Variants in CTNNA2 observed in about 807,000 individuals in gnomAD.
CTNNA2 encodes the protein catenin alpha 2.
Under a neutral mutation model 101.0 loss-of-function variants are expected in CTNNA2, and 42 were observed. The observed-to-expected ratio is 0.42, with a 90% CI of 0.32 to 0.54. The LOEUF (loss-of-function observed/expected upper bound fraction) is 0.54. CTNNA2 is among the 20% of genes least tolerant of loss of function. The pLI, the probability that CTNNA2 is intolerant of heterozygous loss-of-function variation, is 0.14. For synonymous variants in CTNNA2, 450 were observed against 456.4 expected, an observed-to-expected ratio of 0.99 and a Z score of 0.18; for missense variants, 871 against 1,223.1, an observed-to-expected ratio of 0.71 and a Z score of 4.29.
chr2:80,095,603 G>A (rs2148828153), intron 7 of CTNNA2, among the ~76,000 whole-genome samples: 1 of 152,276 alleles, frequency 6.6e-6, no homozygotes, highest in Non-Finnish European at 1.5e-5. Flanking sequence ...TGTACCTCTA[G>A]TAGAATTTGG....
chr2:79,625,068 G>A (rs935822799), intron 1 of CTNNA2, among the ~76,000 whole-genome samples: 4 of 152,130 alleles, frequency 2.6e-5, no homozygotes, highest in African/African-American at 9.7e-5. Flanking sequence ...CAGAAGGATT[G>A]GCATGAGTGT....
intron 4 of CTNNA2, among the ~76,000 whole-genome samples, chr2:79,383,748 C>G (rs1306932649): frequency 2.0e-5 from 3 of 152,120 alleles, no homozygotes; most frequent in Non-Finnish European, 4.4e-5. Flanking sequence ...GGAACTATTT[C>G]CTGAATTCCA....
chr2:79,286,638 G>T (rs1052616499), intron 2 of CTNNA2, among the ~76,000 whole-genome samples: 3 of 152,076 alleles, frequency 2.0e-5, no homozygotes, highest in South Asian at 4.1e-4. Flanking sequence ...TAGTCTAATG[G>T]GCTTCCCTTT....
At chr2:79,517,551 TC>T (rs1671872921) in intron 1 of CTNNA2, among the ~76,000 whole-genome samples, 1 of 152,180 alleles carries the variant, frequency 6.6e-6, no homozygotes. Flanking sequence ...TATGTTGAGA[TC>T]TTTCTTAATT....
At chr2:79,901,767 T>A (rs1370296731) in intron 6 of CTNNA2, among the ~76,000 whole-genome samples, 1 of 152,232 alleles carries the variant, frequency 6.6e-6, no homozygotes, top group Non-Finnish European at 1.5e-5. Context: ...CTTTGAAACA[T>A]AATCTGTGGG....
chr2:79,404,999 G>A (rs1242471092), intron 4 of CTNNA2, among the ~76,000 whole-genome samples: 1 of 152,024 alleles, frequency 6.6e-6, no homozygotes, highest in Non-Finnish European at 1.5e-5. Flanking sequence ...AAGGTTTTAA[G>A]TATATTTATG....
intron 7 of CTNNA2, among the ~76,000 whole-genome samples, chr2:79,962,060 C>T (rs773899384): frequency 3.3e-5 from 5 of 152,194 alleles, no homozygotes; most frequent in South Asian, 4.1e-4. Context: ...ACTGCCATGA[C>T]GAGGCAACCT....
chr2:79,839,180 T>A (rs1369353377), intron 3 of CTNNA2, among the ~76,000 whole-genome samples: 1 of 152,086 alleles, frequency 6.6e-6, no homozygotes, highest in African/African-American at 2.4e-5. Flanking sequence ...TTAAATAATA[T>A]TTTAGCAAGG....
intron 3 of CTNNA2, among the ~76,000 whole-genome samples, chr2:79,794,579 A>G (rs1675551126): frequency 6.6e-6 from 1 of 152,162 alleles, no homozygotes; most frequent in Non-Finnish European, 1.5e-5. Flanking sequence ...TTGCAGTAAC[A>G]AAACTTATCA....
At chr2:79,822,106 G>A (rs114088035) in intron 3 of CTNNA2, among the ~76,000 whole-genome samples, 2,601 of 152,036 alleles carry the variant, frequency 0.017, 73 homozygotes, top group African/African-American at 0.059. Flanking sequence ...GCCTTCGGTA[G>A]CTTTATTTCA....
At chr2:79,851,672 G>A (rs1466246218) in intron 3 of CTNNA2, among the ~76,000 whole-genome samples, 1 of 151,408 alleles carries the variant, frequency 6.6e-6, no homozygotes, top group Non-Finnish European at 1.5e-5. Context: ...TGGTTAAGAG[G>A]ATTGGAAATT....
chr2:79,261,000 G>A (rs780756032), intron 2 of CTNNA2, among the ~76,000 whole-genome samples: 1 of 152,190 alleles, frequency 6.6e-6, no homozygotes, highest in Non-Finnish European at 1.5e-5. Flanking sequence ...CTGTGGAGAA[G>A]AATTACCCTA....
At chr2:80,331,270 GC>G (rs1346033195) in intron 7 of CTNNA2, among the ~76,000 whole-genome samples, 1 of 152,140 alleles carries the variant, frequency 6.6e-6, no homozygotes, top group Non-Finnish European at 1.5e-5. Context: ...TACTCATGTG[GC>G]AGGATTTGTG....
intron 7 of CTNNA2, among the ~76,000 whole-genome samples, chr2:80,261,740 G>A (rs1277596500): frequency 6.6e-6 from 1 of 152,052 alleles, no homozygotes; most frequent in Non-Finnish European, 1.5e-5. Context: ...ATTATATTTA[G>A]GCTTTACATA....
intron 9 of CTNNA2, among the ~76,000 whole-genome samples, chr2:80,521,092 C>T (rs570688917): frequency 9.8e-5 from 15 of 152,292 alleles, no homozygotes; most frequent in African/African-American, 3.1e-4. Context: ...TGAGCACCCA[C>T]GAAGCCCTGA....
chr2:79,563,188 T>TA (rs1491331448), intron 1 of CTNNA2, among the ~76,000 whole-genome samples: 12,343 of 41,370 alleles, frequency 0.3, 914 homozygotes, highest in East Asian at 0.42. Context: ...TATATATATA[T>TA]TTTCCTTCAT....
In CTNNA2 at chr2:79,723,037, G is replaced by A. The variant is rs144643685; in HGVS notation, c.103-21350G>A. Among the ~76,000 whole-genome samples, 1,063 of 152,284 alleles carry A rather than the reference G, an allele frequency of 7.0e-3. 3 individuals carry two copies. Among genetic ancestry groups the A allele is most frequent in the Middle Eastern group, 0.027 (8 of 294 alleles). On this transcript the variant is annotated intron_variant, in intron 2 of 18. Transcript: ENST00000402739. ...TATGGTGAAATAAGAAAGCGAAAGA[G>A]TAAGAGAAAATATTGCAAGATTTAT...
At chr2:79,430,634 C>T (rs1221370068) in intron 4 of CTNNA2, among the ~76,000 whole-genome samples, 2 of 152,136 alleles carry the variant, frequency 1.3e-5, no homozygotes, top group Non-Finnish European at 2.9e-5. Flanking sequence ...TTACTTAACA[C>T]TCATGTTCCT....
At chr2:79,483,481 A>T (rs779525156) in intron 4 of CTNNA2, among the ~76,000 whole-genome samples, 2 of 152,202 alleles carry the variant, frequency 1.3e-5, no homozygotes, top group Non-Finnish European at 2.9e-5. Context: ...CAAAAGGGAC[A>T]GGATCTGATT....
Sources: allele counts gnomAD v4.1 joint callset (sites outside exome capture counted in the v4.1 genomes callset), GRCh38; gene constraint gnomAD v4.1.1; transcripts MANE v1.5; gene names NCBI Gene and HGNC (gene_info 2026-07-23, HGNC 2026-07-21).